Variants in HS6ST1 observed in about 807,000 individuals in gnomAD.
HS6ST1 encodes the protein heparan-sulfate 6-O-sulfotransferase 1.
In HS6ST1, 3 loss-of-function variants were observed where a neutral mutation model predicts 25.2. The ratio of observed to expected loss-of-function variants is 0.12; its 90% CI spans 0.05 to 0.31. HS6ST1 has a LOEUF of 0.31. HS6ST1 is among the 10% of genes least tolerant of loss of function. The probability of loss-of-function intolerance (pLI) is 1.00; values close to 1 mark genes in which losing one functional copy is unlikely to be tolerated. For missense variants in HS6ST1, 310 were observed against 609.6 expected (o/e 0.51, Z 5.18); for synonymous variants, 204 against 275.1 (o/e 0.74, Z 2.56).
intron 1 of HS6ST1, among the ~76,000 whole-genome samples, chr2:128,307,810 C>T (rs1694234947): frequency 6.6e-6 from 1 of 152,136 alleles, no homozygotes; most frequent in Admixed American, 6.5e-5. Flanking sequence ...GTGAGGAGAA[C>T]CTCCCTCTGA....
chr2:128,290,016 A>G (rs1043439419), intron 1 of HS6ST1: 3 of 152,242 alleles, frequency 2.0e-5, no homozygotes, highest in Non-Finnish European at 2.9e-5. Context: ...ATGCAAAAGC[A>G]TGTATATAAC....
chr2:128,292,479 C>T (rs1460088629), intron 1 of HS6ST1, among the ~76,000 whole-genome samples: 2 of 152,034 alleles, frequency 1.3e-5, no homozygotes, highest in South Asian at 2.1e-4. Flanking sequence ...CTCACCCCGG[C>T]GCTCTGGGAC....
intron 1 of HS6ST1, among the ~76,000 whole-genome samples, chr2:128,294,639 C>A (rs944358998): frequency 2.7e-5 from 4 of 149,410 alleles, no homozygotes; most frequent in African/African-American, 7.4e-5. Context: ...GGCTACTGGG[C>A]AGTAAAGAGG....
At position 128,318,159 on chromosome 2, in the gene HS6ST1, A is replaced by T. The variant is rs543138462; in HGVS notation, c.405T>A (p.Thr135=). 5.2e-6 allele frequency: 8 copies of T among 1,532,008 alleles called. No individual in the cohort carries two copies. The East Asian group carries it at 1.7e-4, about 33-fold the overall frequency. 94.9% of individuals were successfully genotyped at this position (1,532,008 alleles called of 1,614,324 possible). ...CGGTGGAGAAGCGGGAGAAGAGCCA[A>T]GTCTCGCGGCGGTTGGGCCGGTAGC... ...CTCYRPNRRE[T]WLFSRFSTGW... The change falls in exon 1 of 2, where the codon ACT becomes ACA. Residue 135 remains threonine, a synonymous_variant. Coordinates refer to ENST00000259241, the MANE Select transcript of HS6ST1 (RefSeq NM_004807.3). The surrounding 1 kb of genome is among the most constrained non-coding windows in gnomAD (Gnocchi z 5.7).
intron 1 of HS6ST1, among the ~76,000 whole-genome samples, chr2:128,299,335 G>C (rs912611717): frequency 3.3e-5 from 5 of 152,240 alleles, no homozygotes; most frequent in African/African-American, 9.6e-5. Flanking sequence ...CAGCAGGAGC[G>C]AGCCCTCTGC....
At chr2:128,315,622 T>C (rs2104939783) in intron 1 of HS6ST1, among the ~76,000 whole-genome samples, 1 of 152,266 alleles carries the variant, frequency 6.6e-6, no homozygotes, top group Admixed American at 6.5e-5. Flanking sequence ...CCAGCAGGGA[T>C]GGGCACTGCC....
At position 128,268,083 on chromosome 2, in the gene HS6ST1, C is replaced by T. The variant is rs995502929; in HGVS notation, c.*79G>A. The T allele has an allele frequency of 9.0e-6, 9 of 1,004,280 alleles. No individual in the cohort carries two copies. In the East Asian group the frequency reaches 1.0e-4, roughly 12 times the overall value. 62.2% of individuals were successfully genotyped at this position (1,004,280 alleles called of 1,614,324 possible). A position where few individuals can be genotyped will look rare whatever the true frequency, so the allele number is the denominator to read the frequency against. On this transcript the variant is annotated 3_prime_UTR_variant, in exon 2 of 2. Coordinates refer to ENST00000259241, the MANE Select transcript of HS6ST1 (RefSeq NM_004807.3). ...CAGGTTTGGGATGCTCATCCCTTGA[C>T]AGTCTTGGGTGGACCTGTCGTCTGT...
chr2:128,290,815 T>TAAAAA (rs1573699539), intron 1 of HS6ST1, among the ~76,000 whole-genome samples: 1 of 3,490 alleles, frequency 2.9e-4, no homozygotes, highest in Non-Finnish European at 4.8e-4. Context: ...CTACTAAAAA[T>TAAAAA]ACAAAAAAAA....
chr2:128,292,995 G>C (rs781141547), intron 1 of HS6ST1, among the ~76,000 whole-genome samples: 14 of 152,154 alleles, frequency 9.2e-5, no homozygotes, highest in Non-Finnish European at 1.6e-4. Context: ...AGACCACCCT[G>C]GGTCTGGGGT....
At chr2:128,312,351 C>T (rs1319823501) in intron 1 of HS6ST1, among the ~76,000 whole-genome samples, 1 of 152,254 alleles carries the variant, frequency 6.6e-6, no homozygotes, top group African/African-American at 2.4e-5. Context: ...AATGGGGCTG[C>T]TCTTCATATA....
At chr2:128,304,660 G>A (rs1356134366) in intron 1 of HS6ST1, among the ~76,000 whole-genome samples, 1 of 146,556 alleles carries the variant, frequency 6.8e-6, no homozygotes, top group Non-Finnish European at 1.5e-5. Flanking sequence ...TCAGATGCTG[G>A]CCAAAAACCC....
chr2:128,273,901 A>C (rs1056408582), intron 1 of HS6ST1, among the ~76,000 whole-genome samples: 7 of 152,068 alleles, frequency 4.6e-5, no homozygotes, highest in Non-Finnish European at 1.0e-4. Flanking sequence ...TGCTCTCTGG[A>C]GGTGCCAAGG....
intron 1 of HS6ST1, among the ~76,000 whole-genome samples, chr2:128,271,637 G>T (rs1451237285): frequency 6.6e-6 from 1 of 152,206 alleles, no homozygotes; most frequent in Non-Finnish European, 1.5e-5. Flanking sequence ...AAAGCCTCCA[G>T]CTTCATGGCA....
At chr2:128,308,752 C>T (rs1276762383) in intron 1 of HS6ST1, among the ~76,000 whole-genome samples, 1 of 152,232 alleles carries the variant, frequency 6.6e-6, no homozygotes, top group Non-Finnish European at 1.5e-5. Flanking sequence ...CCTTGGAAGG[C>T]CAGTGATGAC....
intron 1 of HS6ST1, chr2:128,290,245 A>C (rs962464931): frequency 3.9e-5 from 6 of 152,350 alleles, no homozygotes; most frequent in African/African-American, 1.4e-4. Context: ...TCCTACAAAG[A>C]AAGTGCTGGG....
intron 1 of HS6ST1, among the ~76,000 whole-genome samples, chr2:128,269,686 C>A (rs1693582269): frequency 6.6e-6 from 1 of 152,200 alleles, no homozygotes; most frequent in Non-Finnish European, 1.5e-5. Flanking sequence ...TCTTAGAGGG[C>A]TCCTCCTCCT....
intron 1 of HS6ST1, among the ~76,000 whole-genome samples, chr2:128,285,614 C>A (rs1472240183): frequency 6.6e-6 from 1 of 152,110 alleles, no homozygotes; most frequent in Non-Finnish European, 1.5e-5. Flanking sequence ...TCTGCCAGCA[C>A]CTGGGCCAGT....
At chr2:128,292,381 C>T (rs866579170) in intron 1 of HS6ST1, among the ~76,000 whole-genome samples, 42 of 152,340 alleles carry the variant, frequency 2.8e-4, no homozygotes, top group Middle Eastern at 6.8e-3. Context: ...CAGCTACCCA[C>T]CCAACACCTT....
intron 1 of HS6ST1, among the ~76,000 whole-genome samples, chr2:128,314,188 G>A (rs1334916606): frequency 6.6e-6 from 1 of 152,014 alleles, no homozygotes; most frequent in Non-Finnish European, 1.5e-5. Flanking sequence ...AAGGTAAGGT[G>A]GAAACTGTCG....
Sources: gnomAD v4.1 joint callset for allele counts (sites outside exome capture counted in the v4.1 genomes callset) on GRCh38, gnomAD v4.1.1 for gene constraint, Gnocchi (gnomAD v3.1) non-coding constraint, MANE v1.5 for transcripts, NCBI Gene and HGNC (gene_info 2026-07-23, HGNC 2026-07-21) for gene names.